Variants in PCDHGB2 observed in about 807,000 individuals in gnomAD.
PCDHGB2 encodes the protein protocadherin gamma subfamily B, 2, also known as protocadherin gamma-B2.
In PCDHGB2, 55 loss-of-function variants were observed where a neutral mutation model predicts 59.3. That is an observed-to-expected ratio of 0.93 (90% CI 0.75 to 1.16). The LOEUF (loss-of-function observed/expected upper bound fraction) is 1.16, where lower values mean the gene tolerates loss of function less well. Among genes scored for constraint, PCDHGB2 ranks in the 50% most tolerant of loss-of-function variants. The pLI, the probability that PCDHGB2 is intolerant of heterozygous loss-of-function variation, is 0.00. For synonymous variants in PCDHGB2, 516 were observed against 512.0 expected (o/e 1.01, Z -0.11); for missense variants, 1,228 against 1,198.5 (o/e 1.02, Z -0.36).
rs1588567192 is a variant in PCDHGB2, at chr5:141,361,756, G to A, written c.1621G>A (p.Ala541Thr). 1 of 1,613,066 alleles carries A rather than the reference G, an allele frequency of 6.2e-7. No homozygotes were observed. Among genetic ancestry groups the A allele is most frequent in the Non-Finnish European group, 8.5e-7 (1 of 1,179,714 alleles). ...GCAGGCCCGCGACCAGGGCTCGCCC[G>A]CGCTCAGCGCCAACGTGAGCCTGCG... ...TLQARDQGSP[A>T]LSANVSLRVL... is the part of the protein sequence containing the mutation. The change falls in exon 1 of 4, where the codon GCG (alanine) becomes ACG (threonine). Residue 541 changes from alanine (A) to threonine (T), a missense_variant. Ala to Thr is a moderately conservative substitution (Grantham distance 58, BLOSUM62 0). This residue lies in a region of PCDHGB2 where 781 missense variants were observed against 721.6 expected (regional missense o/e 1.08). Coordinates refer to ENST00000522605, the MANE Select transcript of PCDHGB2 (RefSeq NM_018923.3).
At chr5:141,414,452 T>G in intron 1 of PCDHGB2, 1 of 1,613,886 alleles carries the variant, frequency 6.2e-7, no homozygotes, top group Non-Finnish European at 8.5e-7. Context: ...AATATCACAG[T>G]GACAGCCACA....
chr5:141,374,327 G>C (rs766746841), intron 1 of PCDHGB2: 24 of 1,613,984 alleles, frequency 1.5e-5, no homozygotes, highest in Non-Finnish European at 2.0e-5. Context: ...TCCGCGAAAC[G>C]GCAGCTTGGT....
At chr5:141,483,333 C>G (rs566443186) in intron 1 of PCDHGB2, among the ~76,000 whole-genome samples, 1 of 152,096 alleles carries the variant, frequency 6.6e-6, no homozygotes, top group East Asian at 1.9e-4. Context: ...GCAAAGAGAT[C>G]TTATCTCTTT....
chr5:141,394,521 G>C, intron 1 of PCDHGB2: 1 of 1,614,212 alleles, frequency 6.2e-7, no homozygotes, highest in Non-Finnish European at 8.5e-7. Context: ...CCTCCCCACA[G>C]ACGGTTCCAC....
intron 1 of PCDHGB2, chr5:141,398,688 T>C: frequency 1.2e-6 from 2 of 1,613,938 alleles, no homozygotes; most frequent in South Asian, 2.2e-5. Flanking sequence ...AGAAACAGGA[T>C]GGTAGTAAAT....
chr5:141,371,913 G>C, intron 1 of PCDHGB2: 1 of 1,613,394 alleles, frequency 6.2e-7, no homozygotes, highest in African/African-American at 1.3e-5. Context: ...CTACGTGTCC[G>C]TGAGCGCGCG....
In PCDHGB2 at chr5:141,486,440, A is replaced by G; in HGVS notation, c.2422-8367A>G. 6.2e-7 allele frequency: 1 copy of G among 1,614,114 alleles called. No individual in the cohort carries two copies. The highest frequency in any genetic ancestry group is 8.5e-7 in the Non-Finnish European group (1 of 1,179,936). On this transcript the variant is annotated intron_variant, in intron 1 of 3. Coordinates refer to ENST00000522605, the MANE Select transcript of PCDHGB2 (RefSeq NM_018923.3). This position sits in a 1 kb window ranked among gnomAD's most constrained non-coding sequence, Gnocchi z 5.0. ...TCGAGAGGCCAAATCTAGCTATGACATCATGGTCACTGCTTCTGATGCTGG... is the reference window on the plus strand; with the variant it reads ...TCGAGAGGCCAAATCTAGCTATGACGTCATGGTCACTGCTTCTGATGCTGG...
rs3749771 is a variant in PCDHGB2, at chr5:141,376,276, C to A, written c.2421+13720C>A. The A allele has an allele frequency of 5.9e-4, 946 of 1,614,240 alleles. 16 individuals are homozygous for A. The East Asian group carries it at 0.018, about 31-fold the overall frequency. The stretch of plus-strand genomic sequence containing the variant: ...GCCTGCTGCAGGCTTCGGGAGGTGG[C>A]TTAGCGAGCATGCCCGGCTCGCACT... On this transcript the variant is annotated intron_variant, in intron 1 of 3. Coordinates refer to ENST00000522605, the MANE Select transcript of PCDHGB2 (RefSeq NM_018923.3).
chr5:141,404,929 G>A (rs766845913), intron 1 of PCDHGB2: 46 of 1,613,744 alleles, frequency 2.9e-5, no homozygotes, highest in Admixed American at 2.3e-4. Flanking sequence ...CCACTGTCAC[G>A]CTCACAGTAG....
intron 1 of PCDHGB2, among the ~76,000 whole-genome samples, chr5:141,473,858 C>T (rs569473917): frequency 6.6e-6 from 1 of 152,168 alleles, no homozygotes; most frequent in Non-Finnish European, 1.5e-5. Flanking sequence ...ATGAACCTCG[C>T]TATTGTGGAG....
At chr5:141,429,378 T>TTTG (rs2097208019) in intron 1 of PCDHGB2, among the ~76,000 whole-genome samples, 1 of 105,336 alleles carries the variant, frequency 9.5e-6, no homozygotes, top group African/African-American at 5.2e-5. Flanking sequence ...AGAAAATGTG[T>TTTG]TTTTTTTTTA....
chr5:141,484,530 A>G (rs1406516272), intron 1 of PCDHGB2, among the ~76,000 whole-genome samples: 1 of 152,200 alleles, frequency 6.6e-6, no homozygotes, highest in East Asian at 1.9e-4. Context: ...TTTTGAGTAT[A>G]TGGCAGTGGT....
At position 141,361,198 on chromosome 5, in the gene PCDHGB2, C is replaced by A. The variant is rs377236216; in HGVS notation, c.1063C>A (p.Pro355Thr). 3 of 1,613,964 alleles carry A rather than the reference C, an allele frequency of 1.9e-6. No individual in the cohort carries two copies. The highest frequency in any genetic ancestry group is 2.2e-5 in the South Asian group (2 of 91,082). ...AGTTATTGTGACTTCAGTATCTACT[C>A]CCCTACCGGAGGATTCGCCACCAGG... ...PEVIVTSVSTPLPEDSPPGTV... is the reference protein window; with the variant it reads ...PEVIVTSVSTTLPEDSPPGTV... Residue 355 changes from proline (P) to threonine (T), a missense_variant, in exon 1 of 4, where the codon CCC (proline) becomes ACC (threonine). Physicochemically the swap from Pro to Thr is conservative, Grantham distance 38. Transcript: ENST00000522605.
At chr5:141,403,276 C>A in intron 1 of PCDHGB2, 2 of 1,613,844 alleles carry the variant, frequency 1.2e-6, no homozygotes, top group South Asian at 2.2e-5. Flanking sequence ...ACTTTAAAGT[C>A]CTGGTTGAAG....
intron 1 of PCDHGB2, chr5:141,372,770 C>A (rs776185691): frequency 6.2e-7 from 1 of 1,611,252 alleles, no homozygotes; most frequent in Non-Finnish European, 8.5e-7. Context: ...AAAGTAATGA[C>A]AATCCAGAAA....
chr5:141,500,901 G>T (rs984072329), intron 2 of PCDHGB2, among the ~76,000 whole-genome samples: 1 of 144,582 alleles, frequency 6.9e-6, no homozygotes, highest in Non-Finnish European at 1.5e-5. Context: ...AGACAGTCTC[G>T]CTCTGTCTCC....
At chr5:141,390,854 T>G (rs1366490028) in intron 1 of PCDHGB2, 1 of 157,616 alleles carries the variant, frequency 6.3e-6, no homozygotes, top group Non-Finnish European at 1.4e-5. Context: ...ATATGCAGTG[T>G]ACGCTGTGTG....
intron 1 of PCDHGB2, chr5:141,415,979 C>T (rs2095978015): frequency 2.8e-6 from 1 of 351,190 alleles, no homozygotes; most frequent in Middle Eastern, 8.3e-4. Flanking sequence ...TTAAGCAACC[C>T]TCTTGTTCTG....
At chr5:141,416,794 G>A (rs1002101061) in intron 1 of PCDHGB2, 1 of 152,070 alleles carries the variant, frequency 6.6e-6, no homozygotes, top group East Asian at 1.9e-4. Flanking sequence ...ACTAAATGTG[G>A]TAGTATAAAG....
Sources: allele counts gnomAD v4.1 joint callset (sites outside exome capture counted in the v4.1 genomes callset), GRCh38; gene constraint gnomAD v4.1.1; regional missense constraint gnomAD v4.1.1; non-coding constraint Gnocchi (gnomAD v3.1); transcripts MANE v1.5; gene names NCBI Gene and HGNC (gene_info 2026-07-23, HGNC 2026-07-21).